TOR2A: variants seen among roughly 807,000 people sequenced by gnomAD.
The protein encoded by TOR2A is prosalusin.
TOR2A carries 24 observed loss-of-function variants against 28.6 expected under a neutral mutation model. The ratio of observed to expected loss-of-function variants is 0.84; its 90% CI spans 0.61 to 1.18. TOR2A has a LOEUF of 1.18. Ranked by LOEUF, TOR2A falls within the 50% of genes most tolerant of loss-of-function variation. The pLI, the probability that TOR2A is intolerant of heterozygous loss-of-function variation, is 0.00. For synonymous variants in TOR2A, 203 were observed against 203.1 expected (o/e 1.00, Z 0.00); for missense variants, 426 against 448.1 (o/e 0.95, Z 0.45).
Position 127,731,810 on chromosome 9 carries a change from C to G in TOR2A, c.*224G>C, listed in dbSNP as rs903137316. On this transcript the variant is annotated 3_prime_UTR_variant, in exon 5 of 5. Coordinates refer to ENST00000373284, the MANE Select transcript of TOR2A (RefSeq NM_001085347.3). ...CTCAGGCTGCAGGGGGAGGTCAAGG[C>G]TCAGTGAGGTTCTGGGGTGACCAGG... 4.4e-6 allele frequency: 4 copies of G among 904,338 alleles called. No homozygotes were observed. Among genetic ancestry groups the G allele is most frequent in the Non-Finnish European group, 6.4e-6 (4 of 625,198 alleles). 56.0% of individuals were successfully genotyped at this position (904,338 alleles called of 1,614,324 possible).
chr9:127,733,199 G>C, intron 3 of TOR2A, 186 bp downstream of exon 3: 5 of 1,588,506 alleles, frequency 3.1e-6, no homozygotes, highest in Non-Finnish European at 4.3e-6. Context: ...AATTTGCTGA[G>C]AATGTCCAAA....
chr9:127,734,293 GC>G lies in TOR2A; in HGVS notation c.417+5del. On this transcript the variant is annotated splice_donor_5th_base_variant and intron_variant, in intron 2 of 4. Transcript: ENST00000373284. Reference sequence around the variant, plus strand: ...AGAACAGTGGTCAAGGACGCATCCAGCCTACCTTGTAGCGCTCGATGTGGCT... The same window carrying G: ...AGAACAGTGGTCAAGGACGCATCCAGCTACCTTGTAGCGCTCGATGTGGCT... The G allele has an allele frequency of 6.4e-7, 1 of 1,574,000 alleles. No homozygotes were observed. Among genetic ancestry groups the G allele is most frequent in the East Asian group, 2.3e-5 (1 of 43,892 alleles).
At chr9:127,733,791 G>C in intron 2 of TOR2A, 1 of 569,170 alleles carries the variant, frequency 1.8e-6, no homozygotes, top group Non-Finnish European at 3.1e-6. Context: ...CCACTTCCCT[G>C]TTCAGAGCTC....
In TOR2A at chr9:127,735,160, C is replaced by G; in HGVS notation, c.111G>C (p.Leu37Phe). The change falls in exon 1 of 5, where the codon TTG (leucine) becomes TTC (phenylalanine). Residue 37 changes from leucine to phenylalanine, a missense_variant. Transcript: ENST00000373284. ...AWDLASLRCT[L>F]GAFCECDFRP... ...GGAAGTCGCATTCGCAAAAGGCGCC[C>G]AAGGTGCAGCGCAGGGAAGCCAGGT... The G allele has an allele frequency of 6.7e-7, 1 of 1,486,758 alleles. No homozygotes were observed. 92.1% of individuals were successfully genotyped at this position (1,486,758 alleles called of 1,614,324 possible). A position where few individuals can be genotyped will look rare whatever the true frequency, so the allele number is the denominator to read the frequency against.
In TOR2A at chr9:127,731,544, T is replaced by C; in HGVS notation, c.*490A>G. On this transcript the variant is annotated 3_prime_UTR_variant, in exon 5 of 5. Coordinates refer to ENST00000373284, the MANE Select transcript of TOR2A (RefSeq NM_001085347.3). Reference sequence around the variant, plus strand: ...AGTCCTCTGGTCCCACAGCTGAGTTTATTATACTTGTTTTCTTTTACAAAA... The same window carrying C: ...AGTCCTCTGGTCCCACAGCTGAGTTCATTATACTTGTTTTCTTTTACAAAA... The C allele has an allele frequency of 2.1e-6, 3 of 1,437,710 alleles. No individual in the cohort carries two copies. The South Asian group carries it at 4.5e-5, about 22-fold the overall frequency. 89.1% of individuals were successfully genotyped at this position (1,437,710 alleles called of 1,614,324 possible). A position where few individuals can be genotyped will look rare whatever the true frequency, so the allele number is the denominator to read the frequency against.
chr9:127,733,498 G>A lies in TOR2A; in HGVS notation c.480C>T (p.Phe160=), dbSNP rs187927507. The change falls in exon 3 of 5, where the codon TTC becomes TTT. Residue 160 remains phenylalanine, a synonymous_variant. Coordinates refer to ENST00000373284, the MANE Select transcript of TOR2A (RefSeq NM_001085347.3). ...CTGGGGGCATCTTGTCCATCTCATC[G>A]AAGAGGAAGAGGGAGCGGCCACAGG... ...LTACGRSLFL[F]DEMDKMPPGL... is the part of the protein sequence containing the mutation. The A allele has an allele frequency of 4.5e-5, 73 of 1,613,932 alleles. 1 individual carries two copies. Among genetic ancestry groups the A allele is most frequent in the Admixed American group, 2.2e-4 (13 of 60,026 alleles).
chr9:127,734,949 G>A (rs1182824930), intron 1 of TOR2A, 171 bp downstream of exon 1: 1 of 1,036,690 alleles, frequency 9.6e-7, no homozygotes. Flanking sequence ...GGGCCTCCTG[G>A]ACCTCAACGG....
In TOR2A at chr9:127,731,573, A is replaced by C; in HGVS notation, c.*461T>G. ...ATACTTGTTTTCTTTTACAAAATTA[A>C]AAACATCTAAAACCAGGCCCAAGTG... is the stretch of plus-strand genomic sequence containing the variant. On this transcript the variant is annotated 3_prime_UTR_variant, in exon 5 of 5. Coordinates refer to ENST00000373284, the MANE Select transcript of TOR2A (RefSeq NM_001085347.3). The C allele has an allele frequency of 2.2e-6, 3 of 1,390,590 alleles. No homozygotes were observed. Among genetic ancestry groups the C allele is most frequent in the Non-Finnish European group, 2.8e-6 (3 of 1,064,538 alleles). The allele number at this position is 1,390,590 out of a possible 1,614,324, so 86.1% of individuals were successfully genotyped here.
Position 127,735,148 on chromosome 9 carries a change from G to T in TOR2A, c.123C>A (p.Cys41Ter). Residue 41 changes from cysteine (C) to a stop codon, truncating the protein, a stop_gained, in exon 1 of 5, where the codon TGC becomes TGA. Transcript: ENST00000373284. LOFTEE classifies it high-confidence loss of function. ...ASLRCTLGAF[C>*]ECDFRPDLPG... ...GCAAGTCGGGCCGGAAGTCGCATTC[G>T]CAAAAGGCGCCCAAGGTGCAGCGCA... 1 of 1,483,518 alleles carries T rather than the reference G, an allele frequency of 6.7e-7. No individual in the cohort carries two copies. The highest frequency in any genetic ancestry group is 8.9e-7 in the Non-Finnish European group (1 of 1,124,426). The allele number at this position is 1,483,518 out of a possible 1,614,324, so 91.9% of individuals were successfully genotyped here. A position where few individuals can be genotyped will look rare whatever the true frequency, so the allele number is the denominator to read the frequency against.
At position 127,732,723 on chromosome 9, in the gene TOR2A, A is replaced by T. The variant is rs1160654151; in HGVS notation, c.594-32T>A. On this transcript the variant is annotated intron_variant, in intron 3 of 4. Transcript: ENST00000373284. Reference sequence around the variant, plus strand: ...CCATGGGGGACCCAGGCTGAGACTCAGATGAGGACTAGCGCAGGGCAGGAT... The same window carrying T: ...CCATGGGGGACCCAGGCTGAGACTCTGATGAGGACTAGCGCAGGGCAGGAT... 3.2e-6 allele frequency: 5 copies of T among 1,552,594 alleles called. No individual in the cohort carries two copies. The highest frequency in any genetic ancestry group is 4.4e-6 in the Non-Finnish European group (5 of 1,148,210).
rs565314916 is a variant in TOR2A at position 127,732,766 on chromosome 9, G to A, written c.594-75C>T. The stretch of plus-strand genomic sequence containing the variant: ...GGCAGGATTGGACCCTCGCTTCCCC[G>A]CTGCCACCTGACATAGGAACATGGC... On this transcript the variant is annotated intron_variant, in intron 3 of 4. Transcript: ENST00000373284. 196 of 1,510,602 alleles carry A rather than the reference G, an allele frequency of 1.3e-4. 1 individual carries two copies. The South Asian group carries it at 2.1e-3, about 16-fold the overall frequency. The allele number at this position is 1,510,602 out of a possible 1,614,324, so 93.6% of individuals were successfully genotyped here.
intron 4 of TOR2A, 87 bp from the exon 5 acceptor site, chr9:127,732,365 T>C: frequency 6.7e-7 from 1 of 1,493,708 alleles, no homozygotes; most frequent in Non-Finnish European, 8.9e-7. Flanking sequence ...GGAGGAAAAA[T>C]GCTGGCCTCA....
chr9:127,734,440 G>A lies in TOR2A; in HGVS notation c.276C>T (p.His92=), dbSNP rs1844601111. Residue 92 remains histidine (H), a synonymous_variant, in exon 2 of 5, where the codon CAC becomes CAT. Transcript: ENST00000373284. ...AGGATTTGCCGGTGCCGGTCCAGCCGTGCAGGGAGAGGACCAGCGGCTTGG... is the reference window on the plus strand; with the variant it reads ...AGGATTTGCCGGTGCCGGTCCAGCCATGCAGGGAGAGGACCAGCGGCTTGG... The part of the protein sequence containing the change: ...APTKPLVLSL[H]GWTGTGKSYV... The A allele has an allele frequency of 6.8e-6, 11 of 1,611,644 alleles. No individual in the cohort carries two copies. Among genetic ancestry groups the A allele is most frequent in the Middle Eastern group, 1.7e-4 (1 of 6,008 alleles).
intron 2 of TOR2A, chr9:127,734,095 G>A (rs1340368329): frequency 7.2e-6 from 4 of 554,744 alleles, no homozygotes; most frequent in African/African-American, 2.0e-5. Flanking sequence ...GTACTGCCAG[G>A]GTTCCTTACT....
intron 2 of TOR2A, 80 bp downstream of exon 2, chr9:127,734,219 T>A: frequency 6.7e-7 from 1 of 1,483,786 alleles, no homozygotes; most frequent in Non-Finnish European, 9.0e-7. Context: ...AGCAGGTGAC[T>A]CCCCTGTCTG....
intron 3 of TOR2A, chr9:127,732,923 C>A: frequency 7.1e-7 from 1 of 1,414,328 alleles, no homozygotes; most frequent in Non-Finnish European, 9.2e-7. Context: ...TTGTGTCCCT[C>A]AACTGACTTT....
chr9:127,732,139 A>G lies in TOR2A; in HGVS notation c.861T>C (p.Val287=). The stretch of plus-strand genomic sequence containing the variant: ...TGGTGCTGTCCAGCACAGCCTGGAC[A>G]ACCTCATCCCTTGGCTCCAGGCCCA... ...AQLGLEPRDE[V]VQAVLDSTTF... Residue 287 remains valine, a synonymous_variant, in exon 5 of 5, where the codon GTT becomes GTC. Transcript: ENST00000373284. The G allele has an allele frequency of 6.2e-7, 1 of 1,613,672 alleles. No individual in the cohort carries two copies. Among genetic ancestry groups the G allele is most frequent in the Non-Finnish European group, 8.5e-7 (1 of 1,180,008 alleles).
chr9:127,731,818 G>A lies in TOR2A; in HGVS notation c.*216C>T, dbSNP rs534795674. 187 of 961,726 alleles carry A rather than the reference G, an allele frequency of 1.9e-4. No homozygotes were observed. Among genetic ancestry groups the A allele is most frequent in the Non-Finnish European group, 2.7e-4 (182 of 674,748 alleles). The allele number at this position is 961,726 out of a possible 1,614,324, so 59.6% of individuals were successfully genotyped here. On this transcript the variant is annotated 3_prime_UTR_variant, in exon 5 of 5. Coordinates refer to ENST00000373284, the MANE Select transcript of TOR2A (RefSeq NM_001085347.3). ...GCAGGGGGAGGTCAAGGCTCAGTGA[G>A]GTTCTGGGGTGACCAGGGGTTTCCC...
At position 127,734,463 on chromosome 9, in the gene TOR2A, T is replaced by G; in HGVS notation, c.253A>C (p.Lys85Gln). Reference sequence around the variant, plus strand: ...CCGTGCAGGGAGAGGACCAGCGGCTTGGTGGGGGCTGGGTCCCGCACAAAG... The same window carrying G: ...CCGTGCAGGGAGAGGACCAGCGGCTGGGTGGGGGCTGGGTCCCGCACAAAG... ...KAFVRDPAPT[K>Q]PLVLSLHGWT... Residue 85 changes from lysine to glutamine, a missense_variant, in exon 2 of 5, where the codon AAG (lysine) becomes CAG (glutamine). Coordinates refer to ENST00000373284, the MANE Select transcript of TOR2A (RefSeq NM_001085347.3). The G allele has an allele frequency of 6.2e-7, 1 of 1,607,740 alleles. No individual in the cohort carries two copies. Among genetic ancestry groups the G allele is most frequent in the Non-Finnish European group, 8.5e-7 (1 of 1,177,354 alleles).
Sources: gnomAD v4.1 joint callset for allele counts on GRCh38, gnomAD v4.1.1 for gene constraint, MANE v1.5 for transcripts, NCBI Gene and HGNC (gene_info 2026-07-23, HGNC 2026-07-21) for gene names.